The following ARHGEF2 variants were observed in gnomAD, a reference collection of about 807,000 sequenced individuals.
ARHGEF2 encodes rho guanine nucleotide exchange factor 2.
Under a neutral mutation model 121.0 loss-of-function variants are expected in ARHGEF2, and 22 were observed. That is an observed-to-expected ratio of 0.18 (90% CI 0.13 to 0.26). The LOEUF (loss-of-function observed/expected upper bound fraction) is 0.26, where lower values mean the gene tolerates loss of function less well. Ranked by LOEUF, ARHGEF2 falls within the 10% of genes least tolerant of loss-of-function variation. ARHGEF2 has a pLI of 1.00. For synonymous variants in ARHGEF2, 487 were observed against 530.0 expected (o/e 0.92, Z 1.11); for missense variants, 907 against 1,336.0 (o/e 0.68, Z 5.01).
At position 155,950,942 on chromosome 1, in the gene ARHGEF2, C is replaced by A; in HGVS notation, c.2590G>T (p.Gly864Cys). 6.2e-7 allele frequency: 1 copy of A among 1,607,038 alleles called. No individual in the cohort carries two copies. Among genetic ancestry groups the A allele is most frequent in the Non-Finnish European group, 8.5e-7 (1 of 1,176,554 alleles). ...TCAGCTGGGAGTGGCTCGGTCTGGC[C>A]CAGGGCGGCCAGCTGCCTTCGAGCC... ...EEARRQLAAL[G>C]QTEPLPAEAP... Residue 864 changes from glycine to cysteine, a missense_variant, in exon 20 of 22, where the codon GGC (glycine) becomes TGC (cysteine). Physicochemically the swap from Gly to Cys is radical, Grantham distance 159 (BLOSUM62 -3). Transcript: ENST00000361247. The surrounding 1 kb of genome is among the most constrained non-coding windows in gnomAD (Gnocchi z 5.2).
rs375301155 is a variant in ARHGEF2, at chr1:155,952,228, A to G, written c.1992T>C (p.Gly664=). 15 of 1,612,972 alleles carry G rather than the reference A, an allele frequency of 9.3e-6. No individual in the cohort carries two copies. The highest frequency in any genetic ancestry group is 1.2e-5 in the Non-Finnish European group (14 of 1,179,768). The change falls in exon 16 of 22, where the codon GGT becomes GGC. Residue 664 remains glycine, a synonymous_variant. Coordinates refer to ENST00000361247, the MANE Select transcript of ARHGEF2 (RefSeq NM_001162383.2). The part of the protein sequence containing the change: ...LLQDAIREVE[G]LKDLLVGPGV... The stretch of plus-strand genomic sequence containing the variant: ...CTGGCCCCACCAGCAGGTCTTTCAG[A>G]CCCTCCACTGTGGGGAAAGAGGAAG...
intron 21 of ARHGEF2, 33 bp from the exon 22 acceptor site, chr1:155,948,048 G>A: frequency 1.3e-6 from 2 of 1,528,074 alleles, no homozygotes; most frequent in Non-Finnish European, 1.8e-6. Context: ...CAGTGAGTTA[G>A]CAGAGACTCC....
intron 1 of ARHGEF2, among the ~76,000 whole-genome samples, chr1:155,977,220 G>A (rs1681453843): frequency 6.6e-6 from 1 of 152,162 alleles, no homozygotes; most frequent in South Asian, 2.1e-4. Context: ...TTCTGATAAT[G>A]GGTACAGTGC....
intron 21 of ARHGEF2, among the ~76,000 whole-genome samples, chr1:155,949,346 C>G (rs1405547068): frequency 2.6e-5 from 4 of 152,066 alleles, no homozygotes; most frequent in African/African-American, 4.8e-5. Context: ...CTTTGGGAGG[C>G]CAAGGCAGGC....
rs371386990 is a variant in ARHGEF2 at position 155,965,628 on chromosome 1, C to T, written c.470+3G>A. 11 of 1,612,742 alleles carry T rather than the reference C, an allele frequency of 6.8e-6. No individual in the cohort carries two copies. The South Asian group carries it at 1.1e-4, about 16-fold the overall frequency. ...CTGCCCCTTTCCCCAAACAGAGGCTCACCCAGCAATGTTGGTGGTAGAAAC... is the reference window on the plus strand; with the variant it reads ...CTGCCCCTTTCCCCAAACAGAGGCTTACCCAGCAATGTTGGTGGTAGAAAC... On this transcript the variant is annotated splice_donor_region_variant and intron_variant, in intron 5 of 21. Coordinates refer to ENST00000361247, the MANE Select transcript of ARHGEF2 (RefSeq NM_001162383.2). The surrounding 1 kb of genome is among the most constrained non-coding windows in gnomAD (Gnocchi z 6.0).
chr1:155,977,425 G>T (rs1004821679), intron 1 of ARHGEF2, among the ~76,000 whole-genome samples: 4 of 152,070 alleles, frequency 2.6e-5, no homozygotes, highest in African/African-American at 9.7e-5. Flanking sequence ...GGTCATGATG[G>T]GGGAGGCGTG....
At chr1:155,970,051 G>T (rs1347580389) in intron 1 of ARHGEF2, 108 of 985,266 alleles carry the variant, frequency 1.1e-4, no homozygotes, top group Non-Finnish European at 1.3e-4. Context: ...CAGCCATCTT[G>T]GTTGCTTCCA....
chr1:155,949,355 G>C (rs1445146314), intron 21 of ARHGEF2, among the ~76,000 whole-genome samples: 1 of 152,128 alleles, frequency 6.6e-6, no homozygotes, highest in Non-Finnish European at 1.5e-5. Flanking sequence ...GCCAAGGCAG[G>C]CGGATCATGA....
At chr1:155,964,197 T>TAC (rs1246769164) in intron 7 of ARHGEF2, among the ~76,000 whole-genome samples, 76 of 116,724 alleles carry the variant, frequency 6.5e-4, no homozygotes, top group Non-Finnish European at 9.5e-4. Flanking sequence ...TATATATATA[T>TAC]ACATATATAT....
rs1675228144 is a variant in ARHGEF2, at chr1:155,950,611, C to T, written c.2704-129G>A. The T allele has an allele frequency of 1.0e-5, 11 of 1,055,592 alleles. No individual in the cohort carries two copies. Among genetic ancestry groups the T allele is most frequent in the African/African-American group, 6.3e-5 (4 of 63,414 alleles). 65.4% of individuals were successfully genotyped at this position (1,055,592 alleles called of 1,614,324 possible). On this transcript the variant is annotated intron_variant, in intron 20 of 21. Coordinates refer to ENST00000361247, the MANE Select transcript of ARHGEF2 (RefSeq NM_001162383.2). The surrounding 1 kb of genome is among the most constrained non-coding windows in gnomAD (Gnocchi z 5.2). The stretch of plus-strand genomic sequence containing the variant: ...CCATGAGTCCCCTTCAGGAGATCCA[C>T]CACCAACTGGCCTCTTTCAGCACCA...
In ARHGEF2 at chr1:155,952,557, G is replaced by A; in HGVS notation, c.1984+71C>T. ...ATCCCACTTGTCTGTGTTTGTCCAT[G>A]TCTAGTCACATGTCCACATTCTGTG... On this transcript the variant is annotated intron_variant, in intron 15 of 21. Coordinates refer to ENST00000361247, the MANE Select transcript of ARHGEF2 (RefSeq NM_001162383.2). 8 of 1,497,626 alleles carry A rather than the reference G, an allele frequency of 5.3e-6. No individual in the cohort carries two copies. The South Asian group carries it at 1.0e-4, about 19-fold the overall frequency. The allele number at this position is 1,497,626 out of a possible 1,614,324, so 92.8% of individuals were successfully genotyped here. A position where few individuals can be genotyped will look rare whatever the true frequency, so the allele number is the denominator to read the frequency against.
intron 1 of ARHGEF2, among the ~76,000 whole-genome samples, chr1:155,974,959 G>A (rs550534174): frequency 4.8e-4 from 73 of 152,160 alleles, no homozygotes; most frequent in African/African-American, 1.8e-3. Flanking sequence ...GTTGGGAGGG[G>A]GGCAGCTGCT....
chr1:155,962,374 G>T lies in ARHGEF2; in HGVS notation c.1102-152C>A. The stretch of plus-strand genomic sequence containing the variant: ...ATGGGGATAACAACGCCACAGGTTT[G>T]TTGTGAGGACCAACTGAAGGAGCAA... On this transcript the variant is annotated intron_variant, in intron 9 of 21. Coordinates refer to ENST00000361247, the MANE Select transcript of ARHGEF2 (RefSeq NM_001162383.2). The surrounding 1 kb of genome is among the most constrained non-coding windows in gnomAD (Gnocchi z 5.8). 9.7e-7 allele frequency: 1 copy of T among 1,029,754 alleles called. No individual in the cohort carries two copies. The highest frequency in any genetic ancestry group is 1.4e-6 in the Non-Finnish European group (1 of 705,042). The allele number at this position is 1,029,754 out of a possible 1,614,324, so 63.8% of individuals were successfully genotyped here.
intron 11 of ARHGEF2, among the ~76,000 whole-genome samples, chr1:155,960,465 T>A (rs1677659560): frequency 1.0e-5 from 1 of 99,732 alleles, no homozygotes. Flanking sequence ...GAGACCCTGT[T>A]TCTAAAAAAA....
chr1:155,967,913 C>G (rs1469172807), intron 2 of ARHGEF2, among the ~76,000 whole-genome samples: 1 of 152,168 alleles, frequency 6.6e-6, no homozygotes, highest in Non-Finnish European at 1.5e-5. Context: ...ACAAGGCAAA[C>G]AGGGTGGAGC....
At chr1:155,956,991 G>T (rs1462069798) in intron 13 of ARHGEF2, among the ~76,000 whole-genome samples, 1 of 151,158 alleles carries the variant, frequency 6.6e-6, no homozygotes, top group African/African-American at 2.4e-5. Flanking sequence ...AATCCAGGAG[G>T]TGGAGGTTGC....
In ARHGEF2 at chr1:155,950,412, C is replaced by T. The variant is rs777708220; in HGVS notation, c.2774G>A (p.Arg925Gln). The T allele has an allele frequency of 4.6e-5, 74 of 1,614,000 alleles. No individual in the cohort carries two copies. Among genetic ancestry groups the T allele is most frequent in the Non-Finnish European group, 5.9e-5 (70 of 1,180,048 alleles). The change falls in exon 21 of 22, where the codon CGA becomes CAA. Residue 925 changes from arginine (R) to glutamine (Q), a missense_variant. By Grantham distance (43) the Arg-to-Gln change is conservative (BLOSUM62 1). This residue lies in a region of ARHGEF2 where 432 missense variants were observed against 559.5 expected (regional missense o/e 0.77). Transcript: ENST00000361247. This position sits in a 1 kb window ranked among gnomAD's most constrained non-coding sequence, Gnocchi z 5.2. ...GGGGCTCCCCAGTTCCTGCCTCTCT[C>T]GGTCCTCAAAGTTTCGATGGACAGA... Reference protein sequence around the residue: ...TRSVHRNFEDRERQELGSPEE... With the variant: ...TRSVHRNFEDQERQELGSPEE...
rs941523584 is a variant in ARHGEF2 at position 155,947,290 on chromosome 1, G to GT, written c.*651dup. 2 of 448,872 alleles carry GT rather than the reference G, an allele frequency of 4.5e-6. No individual in the cohort carries two copies. Among genetic ancestry groups the GT allele is most frequent in the Admixed American group, 2.4e-5 (1 of 40,996 alleles). The allele number at this position is 448,872 out of a possible 1,614,324, so 27.8% of individuals were successfully genotyped here. A position where few individuals can be genotyped will look rare whatever the true frequency, so the allele number is the denominator to read the frequency against. ...CAACAAAACATTCTGGTCCCTGTGG[G>GT]TTTTTTCCCTCACCCCCAACAAACC... On this transcript the variant is annotated 3_prime_UTR_variant, in exon 22 of 22. Coordinates refer to ENST00000361247, the MANE Select transcript of ARHGEF2 (RefSeq NM_001162383.2).
chr1:155,952,756 G>T lies in ARHGEF2; in HGVS notation c.1856C>A (p.Thr619Asn). 6.2e-7 allele frequency: 1 copy of T among 1,614,184 alleles called. No individual in the cohort carries two copies. The highest frequency in any genetic ancestry group is 1.1e-5 in the South Asian group (1 of 91,086). The change falls in exon 15 of 22, where the codon ACC becomes AAC. Residue 619 changes from threonine (T) to asparagine (N), a missense_variant. This residue lies in a region of ARHGEF2 where 432 missense variants were observed against 559.5 expected (regional missense o/e 0.77). Transcript: ENST00000361247. ...ACCATCCTCTTCGGCCTGGAAATGG[G>T]TCATCTCAGCAAACAGCCCGACCTT... ...REKVGLFAEM[T>N]HFQAEEDGGS...
Sources: allele counts gnomAD v4.1 joint callset (sites outside exome capture counted in the v4.1 genomes callset), GRCh38; gene constraint gnomAD v4.1.1; regional missense constraint gnomAD v4.1.1; non-coding constraint Gnocchi (gnomAD v3.1); transcripts MANE v1.5; gene names NCBI Gene and HGNC (gene_info 2026-07-23, HGNC 2026-07-21).